The following MRRF variants were observed in gnomAD, a reference collection of about 807,000 sequenced individuals.
The protein encoded by MRRF is mitochondrial ribosome recycling factor, also known as ribosome-recycling factor, mitochondrial.
Under a neutral mutation model 25.1 loss-of-function variants are expected in MRRF, and 18 were observed. That is an observed-to-expected ratio of 0.72 (90% CI 0.50 to 1.06). The LOEUF is 1.06. Among genes scored for constraint, MRRF ranks in the 50% least tolerant of loss-of-function variants. MRRF has a pLI of 0.00. For synonymous variants in MRRF, 113 were observed against 112.1 expected, an observed-to-expected ratio of 1.01 and a Z score of -0.05; for missense variants, 323 against 319.3, an observed-to-expected ratio of 1.01 and a Z score of -0.09.
rs1002655035 is a variant in MRRF at position 122,328,988 on chromosome 9, C to T, written c.*6371C>T. 3 of 152,156 alleles carry T rather than the reference C, an allele frequency of 2.0e-5. No individual in the cohort carries two copies. The highest frequency in any genetic ancestry group is 4.4e-5 in the Non-Finnish European group (3 of 68,046). 9.4% of individuals were successfully genotyped at this position (152,156 alleles called of 1,614,324 possible). On this transcript the variant is annotated 3_prime_UTR_variant, in exon 7 of 7. Coordinates refer to ENST00000344641, the MANE Select transcript of MRRF (RefSeq NM_138777.5). ...AGATCCCTTTCTCTTACATTCCTTTCTTCTGGTCTGTGTTTCAGTCCATCC... is the reference window on the plus strand; with the variant it reads ...AGATCCCTTTCTCTTACATTCCTTTTTTCTGGTCTGTGTTTCAGTCCATCC...
Position 122,285,263 on chromosome 9 carries a change from G to A in MRRF, c.435G>A (p.Leu145=), listed in dbSNP as rs1362754719. The change falls in exon 4 of 7, where the codon TTG becomes TTA. Residue 145 remains leucine (L), a synonymous_variant. Transcript: ENST00000344641. ...QISMKSPQLI[L]VNMASFPECT... ...CCATGAAGTCGCCACAGCTGATTTTGGTGAATATGGCCAGCTTCCCAGAGG... is the reference window on the plus strand; with the variant it reads ...CCATGAAGTCGCCACAGCTGATTTTAGTGAATATGGCCAGCTTCCCAGAGG... 1 of 1,612,426 alleles carries A rather than the reference G, an allele frequency of 6.2e-7. No individual in the cohort carries two copies. The highest frequency in any genetic ancestry group is 1.3e-5 in the African/African-American group (1 of 74,846).
At position 122,330,971 on chromosome 9, in the gene MRRF, C is replaced by G. The variant is rs551353372; in HGVS notation, c.*8354C>G. The G allele has an allele frequency of 6.6e-6, 1 of 152,340 alleles. No individual in the cohort carries two copies. Among genetic ancestry groups the G allele is most frequent in the Admixed American group, 6.5e-5 (1 of 15,304 alleles). The allele number at this position is 152,340 out of a possible 1,614,324, so 9.4% of individuals were successfully genotyped here. ...TGGCATCAGGGAGTCTGTTGTCTGACCCGCAACTAGGCAGCCTCATACATT... is the reference window on the plus strand; with the variant it reads ...TGGCATCAGGGAGTCTGTTGTCTGAGCCGCAACTAGGCAGCCTCATACATT... On this transcript the variant is annotated 3_prime_UTR_variant, in exon 7 of 7. Coordinates refer to ENST00000344641, the MANE Select transcript of MRRF (RefSeq NM_138777.5). The surrounding 1 kb of genome is among the most constrained non-coding windows in gnomAD (Gnocchi z 4.2).
At chr9:122,310,324 C>T (rs768105233) in intron 5 of MRRF, among the ~76,000 whole-genome samples, 2 of 152,138 alleles carry the variant, frequency 1.3e-5, no homozygotes, top group Non-Finnish European at 2.9e-5. Flanking sequence ...CAAATGGGGC[C>T]TCTGCCTCAG....
intron 4 of MRRF, among the ~76,000 whole-genome samples, chr9:122,287,518 C>T (rs188068906): frequency 1.2e-3 from 184 of 151,858 alleles, no homozygotes; most frequent in African/African-American, 4.2e-3. Flanking sequence ...GGAATAGCCT[C>T]CTAATTACAC....
Position 122,269,097 on chromosome 9 carries a change from C to T in MRRF, c.-28-1767C>T, listed in dbSNP as rs561810121. Among the ~76,000 whole-genome samples the T allele has an allele frequency of 1.6e-3, 240 of 150,662 alleles. 1 individual carries two copies. The highest frequency in any genetic ancestry group is 6.9e-3 in the Middle Eastern group (2 of 290). ...AGTAGAATGGCGTGTACCCGGGAGG[C>T]GGAGCTTGCAGTGAGCCGAGATCGT... On this transcript the variant is annotated intron_variant, in intron 1 of 6. Coordinates refer to ENST00000344641, the MANE Select transcript of MRRF (RefSeq NM_138777.5).
At chr9:122,317,960 A>T (rs1001722325) in intron 6 of MRRF, among the ~76,000 whole-genome samples, 1 of 151,910 alleles carries the variant, frequency 6.6e-6, no homozygotes, top group Non-Finnish European at 1.5e-5. Context: ...ACACGGTGAA[A>T]CCCTGTCTTT....
intron 4 of MRRF, chr9:122,286,079 G>T (rs568206884): frequency 7.8e-7 from 1 of 1,278,578 alleles, no homozygotes; most frequent in Non-Finnish European, 1.0e-6. Flanking sequence ...CCTGGAATCC[G>T]GTCCCATCTC....
intron 1 of MRRF, among the ~76,000 whole-genome samples, chr9:122,268,630 G>A (rs530162277): frequency 1.0e-3 from 152 of 152,278 alleles, no homozygotes; most frequent in African/African-American, 3.4e-3. Context: ...ATTATTATAC[G>A]TTCTTTGTGG....
intron 6 of MRRF, among the ~76,000 whole-genome samples, chr9:122,319,847 G>C (rs928012857): frequency 2.0e-5 from 3 of 150,468 alleles, no homozygotes; most frequent in Non-Finnish European, 4.4e-5. Flanking sequence ...TTGTACTATG[G>C]TAAAATGTTA....
chr9:122,284,182 C>T (rs1328355158), intron 3 of MRRF, among the ~76,000 whole-genome samples: 2 of 152,126 alleles, frequency 1.3e-5, no homozygotes, highest in Admixed American at 6.6e-5. Context: ...CAGGGTGGGG[C>T]CCAGGAATCT....
chr9:122,278,665 A>C (rs1003948994), intron 2 of MRRF, among the ~76,000 whole-genome samples: 1 of 152,192 alleles, frequency 6.6e-6, no homozygotes, highest in Non-Finnish European at 1.5e-5. Flanking sequence ...TTGGTTTTAA[A>C]AGTTCAAAGT....
intron 5 of MRRF, 116 bp downstream of exon 5, chr9:122,291,956 C>T (rs1833801672): frequency 1.3e-6 from 1 of 787,966 alleles, no homozygotes; most frequent in South Asian, 1.4e-5. Flanking sequence ...CTGTACCTTT[C>T]ACCCTGGCAA....
chr9:122,314,248 T>C (rs571112775), intron 6 of MRRF, among the ~76,000 whole-genome samples: 6 of 152,258 alleles, frequency 3.9e-5, no homozygotes, highest in South Asian at 2.1e-4. Flanking sequence ...AGATCTTGGA[T>C]TGGGTTCAAA....
intron 2 of MRRF, among the ~76,000 whole-genome samples, chr9:122,272,714 T>C (rs933293662): frequency 1.3e-5 from 2 of 152,282 alleles, no homozygotes; most frequent in Admixed American, 6.5e-5. Flanking sequence ...TTTTACTTTA[T>C]GATGTTTTTG....
chr9:122,286,159 A>G (rs981561130), intron 4 of MRRF: 2 of 1,280,890 alleles, frequency 1.6e-6, no homozygotes, highest in African/African-American at 1.5e-5. Flanking sequence ...CTCATCTGCT[A>G]ATATAAGGTG....
chr9:122,285,341 A>G (rs765837266), intron 4 of MRRF, 54 bp downstream of exon 4: 1 of 1,016,764 alleles, frequency 9.8e-7, no homozygotes, highest in Non-Finnish European at 1.6e-6. Flanking sequence ...AATGGAGGAG[A>G]CTGGGTCATA....
chr9:122,313,211 T>C lies in MRRF; in HGVS notation c.552-16T>C. The C allele has an allele frequency of 6.2e-7, 1 of 1,613,148 alleles. No individual in the cohort carries two copies. The highest frequency in any genetic ancestry group is 8.5e-7 in the Non-Finnish European group (1 of 1,179,370). ...GTATAGAATGATTTTGTTGAATGTC[T>C]TTTGTCTTTTATCAGAGTAACCAGA... On this transcript the variant is annotated splice_polypyrimidine_tract_variant and intron_variant, in intron 5 of 6. Coordinates refer to ENST00000344641, the MANE Select transcript of MRRF (RefSeq NM_138777.5).
intron 2 of MRRF, 53 bp downstream of exon 2, chr9:122,271,128 T>G: frequency 4.7e-6 from 7 of 1,479,542 alleles, no homozygotes; most frequent in Non-Finnish European, 6.6e-6. Context: ...TAGTTGGCCC[T>G]TGAATTATAG....
At chr9:122,290,065 AG>A (rs912846794) in intron 4 of MRRF, among the ~76,000 whole-genome samples, 5 of 150,592 alleles carry the variant, frequency 3.3e-5, no homozygotes, top group Non-Finnish European at 5.9e-5. Flanking sequence ...AAAAAAAAAA[AG>A]AAAAAAGAAA....
Sources: allele counts gnomAD v4.1 joint callset (sites outside exome capture counted in the v4.1 genomes callset), GRCh38; gene constraint gnomAD v4.1.1; non-coding constraint Gnocchi (gnomAD v3.1); transcripts MANE v1.5; gene names NCBI Gene and HGNC (gene_info 2026-07-23, HGNC 2026-07-21).